Variants in KCNH8 observed in about 807,000 individuals in gnomAD.
KCNH8 encodes voltage-gated delayed rectifier potassium channel KCNH8.
KCNH8 carries 70 observed loss-of-function variants against 103.6 expected under a neutral mutation model. That is an observed-to-expected ratio of 0.68 (90% CI 0.56 to 0.82). The LOEUF (loss-of-function observed/expected upper bound fraction) is 0.82. KCNH8 is among the 40% of genes least tolerant of loss of function. The probability of loss-of-function intolerance (pLI) is 0.00; values close to 1 mark genes in which losing one functional copy is unlikely to be tolerated. For missense variants in KCNH8, 1,217 were observed against 1,329.9 expected (o/e 0.92, Z 1.32); for synonymous variants, 498 against 489.4 (o/e 1.02, Z -0.23).
At chr3:19,372,561 G>A (rs1281954249) in intron 5 of KCNH8, among the ~76,000 whole-genome samples, 1 of 152,128 alleles carries the variant, frequency 6.6e-6, no homozygotes, top group African/African-American at 2.4e-5. Context: ...CTGCAAACAA[G>A]GACAATTTGA....
In KCNH8 at chr3:19,515,426, G is replaced by C. The variant is rs758022059; in HGVS notation, c.2540G>C (p.Gly847Ala). ...GAGCCCAGAATTTCTCCTCCTCTTG[G>C]AGGTAAGATCTATATTTAGTCTTCT... ...RSEPRISPPL[G>A]DPEIGAAVLF... Residue 847 changes from glycine (G) to alanine (A), a missense_variant and splice_region_variant, in exon 14 of 16, where the codon GGA (glycine) becomes GCA (alanine). Gly to Ala is a moderately conservative substitution (Grantham distance 60). Coordinates refer to ENST00000328405, the MANE Select transcript of KCNH8 (RefSeq NM_144633.3). 6 of 1,497,588 alleles carry C rather than the reference G, an allele frequency of 4.0e-6. No homozygotes were observed. Among genetic ancestry groups the C allele is most frequent in the Non-Finnish European group, 5.4e-6 (6 of 1,107,614 alleles). 92.8% of individuals were successfully genotyped at this position (1,497,588 alleles called of 1,614,324 possible). A position where few individuals can be genotyped will look rare whatever the true frequency, so the allele number is the denominator to read the frequency against.
rs934934398 is a variant in KCNH8, at chr3:19,360,241, T to A, written c.811+12276T>A. Among the ~76,000 whole-genome samples the A allele has an allele frequency of 9.2e-5, 14 of 152,222 alleles. No homozygotes were observed. In the East Asian group the frequency reaches 2.7e-3, roughly 29 times the overall value. On this transcript the variant is annotated intron_variant, in intron 5 of 15. Transcript: ENST00000328405. ...AGACATGTGCAAAAGGTTTGCTGGG[T>A]TATTGTTTGCAGGAGCAAAATAATG...
chr3:19,509,726 T>C (rs186878146), intron 11 of KCNH8, among the ~76,000 whole-genome samples: 1 of 152,268 alleles, frequency 6.6e-6, no homozygotes, highest in African/African-American at 2.4e-5. Context: ...TTGTGATCAG[T>C]GGAATATTTG....
intron 12 of KCNH8, among the ~76,000 whole-genome samples, chr3:19,511,694 A>G (rs1473242753): frequency 6.6e-6 from 1 of 152,184 alleles, no homozygotes; most frequent in East Asian, 1.9e-4. Context: ...AAAAAAAAGT[A>G]TGCCCTCGTC....
intron 11 of KCNH8, among the ~76,000 whole-genome samples, chr3:19,468,746 C>T (rs2125200205): frequency 6.6e-6 from 1 of 152,298 alleles, no homozygotes; most frequent in East Asian, 1.9e-4. Context: ...CCTCTTGGCA[C>T]TGGGCAATTT....
chr3:19,293,890 T>C (rs1458880451), intron 3 of KCNH8, among the ~76,000 whole-genome samples: 3 of 152,228 alleles, frequency 2.0e-5, no homozygotes, highest in African/African-American at 7.2e-5. Context: ...AAATGATGTC[T>C]AATTTAGGAT....
chr3:19,174,044 C>A (rs1178921278), intron 1 of KCNH8, among the ~76,000 whole-genome samples: 1 of 151,106 alleles, frequency 6.6e-6, no homozygotes, highest in Non-Finnish European at 1.5e-5. Flanking sequence ...GCTCACCACC[C>A]CCAGCACTTG....
intron 5 of KCNH8, among the ~76,000 whole-genome samples, chr3:19,383,900 A>C (rs952924622): frequency 4.6e-5 from 7 of 152,188 alleles, no homozygotes; most frequent in Non-Finnish European, 1.0e-4. Context: ...TGATTAAATA[A>C]GGTTTTTTCA....
At chr3:19,171,588 C>G (rs2063349329) in intron 1 of KCNH8, among the ~76,000 whole-genome samples, 1 of 152,162 alleles carries the variant, frequency 6.6e-6, no homozygotes, top group Admixed American at 6.5e-5. Context: ...GTTAGCCTAT[C>G]AAGACCAAGA....
intron 3 of KCNH8, among the ~76,000 whole-genome samples, chr3:19,312,863 T>C (rs1368468756): frequency 6.6e-6 from 1 of 151,978 alleles, no homozygotes; most frequent in Non-Finnish European, 1.5e-5. Context: ...ACACAGGTCA[T>C]TTCCTGGAAT....
chr3:19,211,262 C>T (rs2063768354), intron 1 of KCNH8, among the ~76,000 whole-genome samples: 1 of 152,030 alleles, frequency 6.6e-6, no homozygotes, highest in Non-Finnish European at 1.5e-5. Context: ...GAACAGATGC[C>T]ATGTAGAAGT....
chr3:19,235,222 T>C (rs2064048169), intron 1 of KCNH8, among the ~76,000 whole-genome samples: 2 of 152,328 alleles, frequency 1.3e-5, no homozygotes, highest in South Asian at 4.1e-4. Context: ...ACTTACTATA[T>C]AGTTATCAAT....
At chr3:19,425,794 C>A (rs1476903958) in intron 7 of KCNH8, among the ~76,000 whole-genome samples, 1 of 152,182 alleles carries the variant, frequency 6.6e-6, no homozygotes, top group East Asian at 1.9e-4. Context: ...CTTTGACAAT[C>A]TGCAGAATGT....
chr3:19,439,950 C>A (rs1029679147), intron 8 of KCNH8, among the ~76,000 whole-genome samples: 1 of 151,442 alleles, frequency 6.6e-6, no homozygotes, highest in East Asian at 1.9e-4. Flanking sequence ...CAAAAAGAGA[C>A]AGAGGGAGGA....
chr3:19,151,291 T>C (rs973206821), intron 1 of KCNH8, among the ~76,000 whole-genome samples: 1 of 152,144 alleles, frequency 6.6e-6, no homozygotes, highest in Non-Finnish European at 1.5e-5. Context: ...TTTACAAATT[T>C]TAAATTTACA....
chr3:19,401,657 A>G (rs892260410), intron 7 of KCNH8, among the ~76,000 whole-genome samples: 3 of 151,994 alleles, frequency 2.0e-5, no homozygotes, highest in Non-Finnish European at 4.4e-5. Context: ...GGTATATTTT[A>G]AAGACTCAAT....
At chr3:19,186,287 TAAA>T (rs201199269) in intron 1 of KCNH8, among the ~76,000 whole-genome samples, 5 of 106,408 alleles carry the variant, frequency 4.7e-5, no homozygotes, top group Admixed American at 9.8e-5. Context: ...TTAAAAAATG[TAAA>T]AAAAAAAAAA....
intron 7 of KCNH8, among the ~76,000 whole-genome samples, chr3:19,425,513 A>G (rs78823700): frequency 0.028 from 4,283 of 152,272 alleles, 101 homozygotes; most frequent in Non-Finnish European, 0.041. Flanking sequence ...TAATTAGCTA[A>G]TTAAGGGCTA....
chr3:19,370,190 T>G (rs2066068627), intron 5 of KCNH8, among the ~76,000 whole-genome samples: 1 of 152,090 alleles, frequency 6.6e-6, no homozygotes, highest in Admixed American at 6.6e-5. Context: ...TTAGCTGTTT[T>G]TTCTTGGCAT....
Sources: gnomAD v4.1 joint callset for allele counts (sites outside exome capture counted in the v4.1 genomes callset) on GRCh38, gnomAD v4.1.1 for gene constraint, MANE v1.5 for transcripts, NCBI Gene and HGNC (gene_info 2026-07-23, HGNC 2026-07-21) for gene names.